The following PTPDC1 variants were observed in gnomAD, a reference collection of about 807,000 sequenced individuals.
PTPDC1 encodes the protein protein tyrosine phosphatase domain containing 1.
A neutral mutation model predicts 75.3 loss-of-function variants in PTPDC1; 53 were observed. The ratio of observed to expected loss-of-function variants is 0.70; its 90% CI spans 0.56 to 0.88. The LOEUF is 0.88. Among genes scored for constraint, PTPDC1 ranks in the 40% least tolerant of loss-of-function variants. The pLI, the probability that PTPDC1 is intolerant of heterozygous loss-of-function variation, is 0.00. For synonymous variants in PTPDC1, 349 were observed against 366.2 expected (o/e 0.95, Z 0.54); for missense variants, 925 against 998.6 (o/e 0.93, Z 0.99).
Position 94,088,131 on chromosome 9 carries a change from C to A in PTPDC1, c.498-14C>A, listed in dbSNP as rs1205983405. On this transcript the variant is annotated splice_polypyrimidine_tract_variant and intron_variant, in intron 3 of 8. Coordinates refer to ENST00000620992, the MANE Select transcript of PTPDC1 (RefSeq NM_001253829.2). ...CTAGCTCCCAATATGACTGACTGCC[C>A]TTTTTCCTTTAAGCCATGGCATAAA... The A allele has an allele frequency of 1.9e-6, 3 of 1,610,116 alleles. No individual in the cohort carries two copies. The highest frequency in any genetic ancestry group is 2.5e-6 in the Non-Finnish European group (3 of 1,179,004).
intron 1 of PTPDC1, among the ~76,000 whole-genome samples, chr9:94,058,681 G>C (rs1826031735): frequency 6.6e-6 from 1 of 151,810 alleles, no homozygotes; most frequent in Non-Finnish European, 1.5e-5. Flanking sequence ...ACTCCTGCCT[G>C]GGGGACAGAG....
At chr9:94,053,619 A>T (rs756312242) in intron 1 of PTPDC1, among the ~76,000 whole-genome samples, 19 of 152,214 alleles carry the variant, frequency 1.2e-4, no homozygotes, top group Non-Finnish European at 2.5e-4. Flanking sequence ...TGTAATTGAT[A>T]CTAGGGAAGG....
rs1827818617 is a variant in PTPDC1 at position 94,101,028 on chromosome 9, G to T, written c.2014-538G>T. The T allele has an allele frequency of 2.0e-5, 3 of 152,180 alleles. No homozygotes were observed. The South Asian group carries it at 6.2e-4, about 32-fold the overall frequency. 9.4% of individuals were successfully genotyped at this position (152,180 alleles called of 1,614,324 possible). On this transcript the variant is annotated intron_variant, in intron 6 of 8. Transcript: ENST00000620992. ...AAAGATATTTCAAAGAAGTACATATGCCCCATTTACCAGCTTTCAAGCACC... is the reference window on the plus strand; with the variant it reads ...AAAGATATTTCAAAGAAGTACATATTCCCCATTTACCAGCTTTCAAGCACC...
At position 94,084,502 on chromosome 9, in the gene PTPDC1, C is replaced by T; in HGVS notation, c.-29C>T. On this transcript the variant is annotated 5_prime_UTR_variant, in exon 1 of 9. Coordinates refer to ENST00000620992, the MANE Select transcript of PTPDC1 (RefSeq NM_001253829.2). ...CACTGAGTGAGTGGGGCTGACTCTT[C>T]CTGCCTCCGGCTCTTGCCTCCCAGT... The T allele has an allele frequency of 2.5e-6, 4 of 1,605,048 alleles. No individual in the cohort carries two copies. Among genetic ancestry groups the T allele is most frequent in the Non-Finnish European group, 3.4e-6 (4 of 1,179,654 alleles).
intron 1 of PTPDC1, among the ~76,000 whole-genome samples, chr9:94,059,491 A>G (rs960814216): frequency 5.9e-5 from 9 of 152,204 alleles, no homozygotes; most frequent in Admixed American, 3.9e-4. Flanking sequence ...GATAATCAGA[A>G]TTTAAAATTA....
In PTPDC1 at chr9:94,097,427, G is replaced by C; in HGVS notation, c.861G>C (p.Gln287His). 6.2e-7 allele frequency: 1 copy of C among 1,613,538 alleles called. No individual in the cohort carries two copies. Among genetic ancestry groups the C allele is most frequent in the Non-Finnish European group, 8.5e-7 (1 of 1,179,440 alleles). The change falls in exon 6 of 9, where the codon CAG becomes CAC. Residue 287 changes from glutamine to histidine, a missense_variant. Transcript: ENST00000620992. The stretch of plus-strand genomic sequence containing the variant: ...CCAATTCCATACAAACCAGAGGACA[G>C]CTCCTCTGTGTAAGGGAATTTACTC... ...KRPNSIQTRG[Q>H]LLCVREFTQF...
chr9:94,066,715 G>A (rs1238185668), intron 2 of PTPDC1, among the ~76,000 whole-genome samples: 2 of 151,742 alleles, frequency 1.3e-5, no homozygotes, highest in South Asian at 2.1e-4. Flanking sequence ...ATGCCACCAC[G>A]CCCGGCTCAT....
chr9:94,046,326 A>G (rs1185340632), intron 1 of PTPDC1, among the ~76,000 whole-genome samples: 4 of 152,120 alleles, frequency 2.6e-5, no homozygotes, highest in Non-Finnish European at 5.9e-5. Flanking sequence ...TTGGCAATGC[A>G]GGCTCTTTTT....
chr9:94,056,828 A>T (rs968721495), intron 1 of PTPDC1, among the ~76,000 whole-genome samples: 1 of 152,218 alleles, frequency 6.6e-6, no homozygotes, highest in African/African-American at 2.4e-5. Flanking sequence ...AGTATTCAGT[A>T]CTAATTAGTG....
At chr9:94,106,445 C>T (rs760869451) in intron 8 of PTPDC1, among the ~76,000 whole-genome samples, 7 of 152,238 alleles carry the variant, frequency 4.6e-5, no homozygotes, top group Non-Finnish European at 1.0e-4. Context: ...GCTTGGGGCT[C>T]CTCAGCTATG....
rs1163141407 is a variant in PTPDC1, at chr9:94,085,381, G to C, written c.375G>C (p.Trp125Cys). ...GCAAGTATGAGAACCCAGCCCGCTG[G>C]AGTGAGCAGGAGCAAGCCATTAAGG... is the stretch of plus-strand genomic sequence containing the variant. Reference protein sequence around the residue: ...RACKYENPARWSEQEQAIKGV... With the variant: ...RACKYENPARCSEQEQAIKGV... Residue 125 changes from tryptophan to cysteine, a missense_variant, in exon 2 of 9, where the codon TGG becomes TGC. Coordinates refer to ENST00000620992, the MANE Select transcript of PTPDC1 (RefSeq NM_001253829.2). The C allele has an allele frequency of 6.2e-7, 1 of 1,614,212 alleles. No homozygotes were observed. The highest frequency in any genetic ancestry group is 1.7e-5 in the Admixed American group (1 of 60,036).
At chr9:94,098,755 C>G in intron 6 of PTPDC1, 176 bp downstream of exon 6, 1 of 637,452 alleles carries the variant, frequency 1.6e-6, no homozygotes. Flanking sequence ...AGAAAAAACA[C>G]AGGGTGTTTG....
chr9:94,096,560 T>C (rs7869121), intron 5 of PTPDC1, among the ~76,000 whole-genome samples: 2,243 of 152,304 alleles, frequency 0.015, 43 homozygotes, highest in African/African-American at 0.051. Flanking sequence ...TATTAATTAT[T>C]ACCTTTTAAC....
At chr9:94,036,329 G>A (rs535237049) in intron 1 of PTPDC1, among the ~76,000 whole-genome samples, 2 of 152,118 alleles carry the variant, frequency 1.3e-5, no homozygotes, top group Admixed American at 1.3e-4. Context: ...TTAGATTTAA[G>A]TCTTTAATCC....
At chr9:94,074,089 T>C (rs925620134) in intron 2 of PTPDC1, among the ~76,000 whole-genome samples, 1 of 152,232 alleles carries the variant, frequency 6.6e-6, no homozygotes, top group African/African-American at 2.4e-5. Flanking sequence ...AGTTGTGATT[T>C]TCCTCATTCT....
At chr9:94,047,541 A>G (rs1825646403) in intron 1 of PTPDC1, among the ~76,000 whole-genome samples, 1 of 152,236 alleles carries the variant, frequency 6.6e-6, no homozygotes, top group Admixed American at 6.5e-5. Context: ...TTCAAAAGCT[A>G]GCAGAAGGCA....
intron 1 of PTPDC1, among the ~76,000 whole-genome samples, chr9:94,034,912 G>A (rs1795628338): frequency 6.6e-6 from 1 of 152,040 alleles, no homozygotes; most frequent in Admixed American, 6.6e-5. Flanking sequence ...ACTAAGTCAA[G>A]CTAATTAATA....
In PTPDC1 at chr9:94,043,100, A is replaced by C. The variant is rs576706929; in HGVS notation, c.-7+11973A>C. Among the ~76,000 whole-genome samples the C allele has an allele frequency of 2.0e-5, 3 of 152,310 alleles. No individual in the cohort carries two copies. In the South Asian group the frequency reaches 6.2e-4, roughly 32 times the overall value. ...CTGAAGTCTTGAACCTCTCCAAGTCATCCATGAGGGCTGGAATCAGCTTCT... is the reference window on the plus strand; with the variant it reads ...CTGAAGTCTTGAACCTCTCCAAGTCCTCCATGAGGGCTGGAATCAGCTTCT... On this transcript the variant is annotated intron_variant, in intron 1 of 9. Transcript: ENST00000375360.
chr9:94,093,754 C>T (rs1204847122), intron 4 of PTPDC1, among the ~76,000 whole-genome samples: 6 of 144,182 alleles, frequency 4.2e-5, no homozygotes, highest in African/African-American at 1.6e-4. Context: ...TTCACATAGT[C>T]CCATATTTCT....
Sources: allele counts gnomAD v4.1 joint callset (sites outside exome capture counted in the v4.1 genomes callset), GRCh38; gene constraint gnomAD v4.1.1; transcripts MANE v1.5; gene names NCBI Gene and HGNC (gene_info 2026-07-23, HGNC 2026-07-21).